The following DCAF8L2 variants were observed in gnomAD, a reference collection of about 807,000 sequenced individuals.
The protein encoded by DCAF8L2 is DDB1 and CUL4 associated factor 8 like 2, also known as DDB1- and CUL4-associated factor 8-like protein 2.
For synonymous variants in DCAF8L2, 200 were observed against 190.9 expected, an observed-to-expected ratio of 1.05 and a Z score of -0.39; for missense variants, 430 against 490.7, an observed-to-expected ratio of 0.88 and a Z score of 1.17.
At chrX:27,678,002 G>T (rs1046422945) in intron 3 of DCAF8L2, 90 bp downstream of exon 3, 1 of 111,286 alleles carries the variant, frequency 9.0e-6, no homozygotes, top group Non-Finnish European at 1.9e-5. Context: ...TATGATTATA[G>T]AGATAGAAAT....
chrX:27,516,454 T>TCACA, the DCAF8L2 span, among the ~76,000 whole-genome samples: 57 of 97,453 alleles, frequency 5.8e-4, 1 homozygote, highest in Middle Eastern at 5.3e-3. Flanking sequence ...CATCTCTCTC[T>TCACA]CACACACACA....
chrX:27,571,968 T>C, the DCAF8L2 span, among the ~76,000 whole-genome samples: 4 of 111,879 alleles, frequency 3.6e-5, no homozygotes, highest in African/African-American at 1.3e-4. Context: ...CAGTGCTATG[T>C]AGAGGAGAAA....
intron 2 of DCAF8L2, among the ~76,000 whole-genome samples, chrX:27,649,474 GT>G (rs1929068358): frequency 8.9e-6 from 1 of 111,860 alleles, no homozygotes; most frequent in African/African-American, 3.2e-5. Context: ...AGAATCTGTT[GT>G]TTTTTGACGT....
intron 1 of DCAF8L2, among the ~76,000 whole-genome samples, chrX:27,594,174 C>T (rs1315500772): frequency 2.7e-5 from 3 of 111,458 alleles, no homozygotes; most frequent in Non-Finnish European, 5.7e-5. Flanking sequence ...TATAAGTACA[C>T]ATCTATAACT....
At chrX:27,554,232 A>G in the DCAF8L2 span, among the ~76,000 whole-genome samples, 1 of 112,234 alleles carries the variant, frequency 8.9e-6, no homozygotes, top group African/African-American at 3.2e-5. Context: ...TCAATTACCT[A>G]TATAAAGTGA....
At chrX:27,496,290 T>C in the DCAF8L2 span, among the ~76,000 whole-genome samples, 1 of 112,111 alleles carries the variant, frequency 8.9e-6, no homozygotes, top group Non-Finnish European at 1.9e-5. Context: ...ATGTTGAATG[T>C]ATAATTTCAT....
chrX:27,521,901 C>G, the DCAF8L2 span, among the ~76,000 whole-genome samples: 1 of 112,024 alleles, frequency 8.9e-6, no homozygotes, highest in Non-Finnish European at 1.9e-5. Context: ...TAATAGATTT[C>G]AAGAAATCTC....
chrX:27,583,910 G>T, the DCAF8L2 span, among the ~76,000 whole-genome samples: 3 of 111,345 alleles, frequency 2.7e-5, no homozygotes, highest in Non-Finnish European at 5.7e-5. Flanking sequence ...TTCTTTCCAT[G>T]TAGCCAGTAA....
the DCAF8L2 span, among the ~76,000 whole-genome samples, chrX:27,527,269 T>G: frequency 8.9e-6 from 1 of 111,997 alleles, no homozygotes; most frequent in East Asian, 2.9e-4. Context: ...CAGTTCGATC[T>G]CAGACTGCTG....
intron 1 of DCAF8L2, among the ~76,000 whole-genome samples, chrX:27,598,878 T>C (rs1926490377): frequency 9.2e-6 from 1 of 108,517 alleles, no homozygotes; most frequent in Admixed American, 1.0e-4. Context: ...TTGGTAAGGA[T>C]GTGGAGAAAG....
chrX:27,524,380 C>T, the DCAF8L2 span, among the ~76,000 whole-genome samples: 2 of 111,982 alleles, frequency 1.8e-5, no homozygotes, highest in South Asian at 3.7e-4. Context: ...GTGATATCCC[C>T]TTTATCATTT....
chrX:27,603,445 C>T (rs990220556), intron 1 of DCAF8L2, among the ~76,000 whole-genome samples: 21 of 111,574 alleles, frequency 1.9e-4, no homozygotes, highest in African/African-American at 6.2e-4. Context: ...CCTTTATTCT[C>T]CACTTATTCA....
In DCAF8L2 at chrX:27,747,660, G is replaced by C; in HGVS notation, c.765G>C (p.Trp255Cys). The C allele has an allele frequency of 1.7e-6, 2 of 1,210,471 alleles. No individual in the cohort carries two copies. The highest frequency in any genetic ancestry group is 1.1e-6 in the Non-Finnish European group (1 of 894,743). ...SSGDDLKVIV[W>C]DWVRQRPVLN... ...GTGATGACCTAAAGGTGATAGTGTG[G>C]GACTGGGTGCGGCAGAGGCCAGTAC... Residue 255 changes from tryptophan to cysteine, a missense_variant, in exon 5 of 5, where the codon TGG becomes TGC. Physicochemically the swap from Trp to Cys is radical, Grantham distance 215. Transcript: ENST00000451261.
the DCAF8L2 span, among the ~76,000 whole-genome samples, chrX:27,541,174 A>C: frequency 1.8e-5 from 2 of 111,356 alleles, no homozygotes; most frequent in Admixed American, 1.9e-4. Flanking sequence ...CCAAAGGCAC[A>C]GGGGAAATTG....
chrX:27,571,452 T>C, the DCAF8L2 span, among the ~76,000 whole-genome samples: 2 of 111,777 alleles, frequency 1.8e-5, no homozygotes, highest in East Asian at 5.6e-4. Context: ...AAGTTTTTGG[T>C]GAGAGGGCTA....
chrX:27,739,237 A>G (rs58167512), intron 4 of DCAF8L2, among the ~76,000 whole-genome samples: 11,668 of 109,839 alleles, frequency 0.11, 609 homozygotes, highest in East Asian at 0.36. Flanking sequence ...TCTCTCCCCA[A>G]ACATTCCTGG....
At chrX:27,630,830 C>T (rs1194125006) in intron 1 of DCAF8L2, among the ~76,000 whole-genome samples, 3 of 112,139 alleles carry the variant, frequency 2.7e-5, no homozygotes, top group Admixed American at 9.4e-5. Flanking sequence ...GGTGAGGCCC[C>T]GTTTCCCAAT....
rs974702376 is a variant in DCAF8L2 at position 27,697,758 on chromosome X, CAATG to C, written c.-142-18326_-142-18323del. 2.7e-5 allele frequency among the ~76,000 whole-genome samples: 3 copies of C among 109,870 alleles called. 1 individual carries two copies. Among genetic ancestry groups the C allele is most frequent in the South Asian group, 3.8e-4 (1 of 2,638 alleles). On this transcript the variant is annotated intron_variant, in intron 3 of 4. Coordinates refer to ENST00000451261, the MANE Select transcript of DCAF8L2 (RefSeq NM_001353450.2). The stretch of plus-strand genomic sequence containing the variant: ...ATGAATCATTGTCTAATTAGTCAGT[CAATG>C]AATAACTCTTTATAATCAGGCTATC...
chrX:27,552,699 C>T, the DCAF8L2 span, among the ~76,000 whole-genome samples: 1 of 111,415 alleles, frequency 9.0e-6, no homozygotes, highest in South Asian at 3.8e-4. Flanking sequence ...GTTATTATGG[C>T]TTTGTATTAT....
Sources: gnomAD v4.1 joint callset for allele counts (sites outside exome capture counted in the v4.1 genomes callset) on GRCh38, gnomAD v4.1.1 for gene constraint, MANE v1.5 for transcripts, NCBI Gene and HGNC (gene_info 2026-07-23, HGNC 2026-07-21) for gene names.